Variants in NEK1 observed in about 807,000 individuals in gnomAD.
The protein encoded by NEK1 is NIMA related kinase 1.
A neutral mutation model predicts 182.1 loss-of-function variants in NEK1; 137 were observed. The observed-to-expected ratio is 0.75, with a 90% CI of 0.65 to 0.87. The LOEUF is 0.87. NEK1 is among the 40% of genes least tolerant of loss of function. The pLI, the probability that NEK1 is intolerant of heterozygous loss-of-function variation, is 0.00. For synonymous variants in NEK1, 513 were observed against 492.2 expected (o/e 1.04, Z -0.56); for missense variants, 1,391 against 1,494.4 (o/e 0.93, Z 1.14).
chr4:169,596,347 CA>C (rs1769488674), intron 5 of NEK1, among the ~76,000 whole-genome samples: 1 of 152,066 alleles, frequency 6.6e-6, no homozygotes, highest in Non-Finnish European at 1.5e-5. Flanking sequence ...CTATTTGGAC[CA>C]ACCCTAATGA....
At chr4:169,584,544 G>A (rs1423741566) in intron 10 of NEK1, among the ~76,000 whole-genome samples, 3 of 152,072 alleles carry the variant, frequency 2.0e-5, no homozygotes, top group African/African-American at 7.2e-5. Context: ...CCCAGGAGAT[G>A]GCAGTTGCAG....
chr4:169,577,703 G>A (rs891273663), intron 11 of NEK1, among the ~76,000 whole-genome samples: 1 of 151,970 alleles, frequency 6.6e-6, no homozygotes, highest in Non-Finnish European at 1.5e-5. Context: ...GCAGTGAGCC[G>A]AGATTGCGCC....
At chr4:169,534,528 A>T (rs1758155245) in intron 19 of NEK1, among the ~76,000 whole-genome samples, 1 of 152,216 alleles carries the variant, frequency 6.6e-6, no homozygotes, top group Non-Finnish European at 1.5e-5. Flanking sequence ...CTGCTAAATG[A>T]CAAACAGCAT....
intron 18 of NEK1, among the ~76,000 whole-genome samples, chr4:169,540,623 T>C (rs191346862): frequency 1.3e-5 from 2 of 152,204 alleles, no homozygotes; most frequent in Non-Finnish European, 2.9e-5. Context: ...TTTACAAAAA[T>C]TAGACTATTT....
At chr4:169,419,881 T>C (rs1480892114) in intron 31 of NEK1, among the ~76,000 whole-genome samples, 1 of 152,112 alleles carries the variant, frequency 6.6e-6, no homozygotes, top group African/African-American at 2.4e-5. Flanking sequence ...CAAAATACCA[T>C]ATAAAAGATT....
chr4:169,521,765 A>T (rs929701589), intron 19 of NEK1, among the ~76,000 whole-genome samples: 7 of 152,156 alleles, frequency 4.6e-5, no homozygotes, highest in Non-Finnish European at 1.0e-4. Context: ...ACTTCCTTCT[A>T]AACTCCATGG....
At position 169,575,396 on chromosome 4, in the gene NEK1, G is replaced by A. The variant is rs192939672; in HGVS notation, c.1020+1532C>T. Reference sequence around the variant, plus strand: ...TGCAAAGGCAGAAGCTTCTCTTCCTGATTAGTGTGTTTCCTTTCTTCCTGT... The same window carrying A: ...TGCAAAGGCAGAAGCTTCTCTTCCTAATTAGTGTGTTTCCTTTCTTCCTGT... On this transcript the variant is annotated intron_variant, in intron 12 of 35. Coordinates refer to ENST00000507142, the MANE Select transcript of NEK1 (RefSeq NM_001199397.3). Among the ~76,000 whole-genome samples the A allele has an allele frequency of 2.6e-5, 4 of 152,308 alleles. No homozygotes were observed. The East Asian group carries it at 7.7e-4, about 29-fold the overall frequency.
At chr4:169,515,511 T>C (rs1165335203) in intron 19 of NEK1, among the ~76,000 whole-genome samples, 1 of 151,688 alleles carries the variant, frequency 6.6e-6, no homozygotes, top group Admixed American at 6.6e-5. Flanking sequence ...TTTTTTTTTT[T>C]TTTATTATAC....
chr4:169,569,510 C>T (rs893985029), intron 12 of NEK1, among the ~76,000 whole-genome samples: 1 of 146,116 alleles, frequency 6.8e-6, no homozygotes, highest in Non-Finnish European at 1.5e-5. Flanking sequence ...TCTCCCTCTC[C>T]CTCTCTTTCC....
chr4:169,589,711 A>C (rs1466841324), intron 6 of NEK1, among the ~76,000 whole-genome samples, 197 bp from the exon 7 acceptor site: 1 of 152,190 alleles, frequency 6.6e-6, no homozygotes, highest in Non-Finnish European at 1.5e-5. Context: ...CTAGATCTAA[A>C]TATCAAAACT....
chr4:169,573,265 C>T (rs151088507), intron 12 of NEK1, among the ~76,000 whole-genome samples: 164 of 152,288 alleles, frequency 1.1e-3, no homozygotes, highest in African/African-American at 3.0e-3. Context: ...CTTCCAATTG[C>T]TTCTATTTTC....
chr4:169,492,845 T>C (rs1015749333), intron 23 of NEK1, among the ~76,000 whole-genome samples: 1 of 152,082 alleles, frequency 6.6e-6, no homozygotes, highest in African/African-American at 2.4e-5. Flanking sequence ...GAGCAGCCTG[T>C]CAAAGCCACC....
intron 12 of NEK1, among the ~76,000 whole-genome samples, chr4:169,576,270 T>C (rs1765677415): frequency 6.6e-6 from 1 of 152,168 alleles, no homozygotes; most frequent in African/African-American, 2.4e-5. Flanking sequence ...TGACCTATGA[T>C]AGATTTTAAA....
intron 6 of NEK1, 116 bp from the exon 7 acceptor site, chr4:169,589,630 T>G (rs1768106811): frequency 1.6e-6 from 1 of 634,020 alleles, no homozygotes; most frequent in Non-Finnish European, 2.7e-6. Flanking sequence ...AGTAACTGGA[T>G]ATTCACATAC....
intron 4 of NEK1, among the ~76,000 whole-genome samples, chr4:169,599,629 C>G (rs1316357341): frequency 1.3e-5 from 2 of 152,152 alleles, no homozygotes; most frequent in African/African-American, 4.8e-5. Context: ...CCACTTTAAT[C>G]ACTTACTTAT....
chr4:169,500,342 A>C (rs879810438), intron 23 of NEK1, among the ~76,000 whole-genome samples: 1 of 151,780 alleles, frequency 6.6e-6, no homozygotes, highest in Non-Finnish European at 1.5e-5. Flanking sequence ...GACCTCTTGC[A>C]CTTCTCGGGT....
At chr4:169,541,148 C>T (rs1759344327) in intron 18 of NEK1, among the ~76,000 whole-genome samples, 1 of 151,964 alleles carries the variant, frequency 6.6e-6, no homozygotes, top group South Asian at 2.1e-4. Context: ...TGGGGTGGTA[C>T]AGGATTACTG....
intron 23 of NEK1, among the ~76,000 whole-genome samples, chr4:169,490,595 T>C (rs1749884372): frequency 6.6e-6 from 1 of 151,934 alleles, no homozygotes; most frequent in Non-Finnish European, 1.5e-5. Context: ...TAATCCATGA[T>C]ATGAATCACA....
At chr4:169,467,871 A>T (rs1395757332) in intron 26 of NEK1, among the ~76,000 whole-genome samples, 1 of 152,182 alleles carries the variant, frequency 6.6e-6, no homozygotes, top group African/African-American at 2.4e-5. Flanking sequence ...TAATAATCAC[A>T]TTAAATGTAA....
Sources: gnomAD v4.1 joint callset for allele counts (sites outside exome capture counted in the v4.1 genomes callset) on GRCh38, gnomAD v4.1.1 for gene constraint, MANE v1.5 for transcripts, NCBI Gene and HGNC (gene_info 2026-07-23, HGNC 2026-07-21) for gene names.